HUNK: variants seen among roughly 807,000 people sequenced by gnomAD.
The protein encoded by HUNK is hormonally up-regulated Neu-associated kinase.
A neutral mutation model predicts 61.0 loss-of-function variants in HUNK; 21 were observed. That is an observed-to-expected ratio of 0.34 (90% confidence interval 0.24 to 0.50). HUNK has a LOEUF of 0.50. Ranked by LOEUF, HUNK falls within the 20% of genes least tolerant of loss-of-function variation. The pLI is 0.98. For missense variants in HUNK, 772 were observed against 945.7 expected, an observed-to-expected ratio of 0.82 and a Z score of 2.41; for synonymous variants, 371 against 386.1, an observed-to-expected ratio of 0.96 and a Z score of 0.46.
chr21:32,002,153 CACAG>C lies in HUNK; in HGVS notation c.*2970_*2973del. 6.5e-6 allele frequency: 1 copy of C among 152,738 alleles called. No individual in the cohort carries two copies. The highest frequency in any genetic ancestry group is 1.5e-5 in the Non-Finnish European group (1 of 68,162). The allele number at this position is 152,738 out of a possible 1,614,324, so 9.5% of individuals were successfully genotyped here. A position where few individuals can be genotyped will look rare whatever the true frequency, so the allele number is the denominator to read the frequency against. The stretch of plus-strand genomic sequence containing the variant: ...CCAGGCTGGAGTGCAGTGGCACAAT[CACAG>C]TTCACTGCAGCCTCAACCTCTCCAG... On this transcript the variant is annotated 3_prime_UTR_variant, in exon 11 of 11. Coordinates refer to ENST00000270112, the MANE Select transcript of HUNK (RefSeq NM_014586.2).
intron 1 of HUNK, among the ~76,000 whole-genome samples, chr21:31,910,929 A>G (rs954434944): frequency 2.0e-5 from 3 of 152,204 alleles, no homozygotes; most frequent in African/African-American, 7.2e-5. Flanking sequence ...CGTGGATTCA[A>G]CTTAGCACTT....
intron 9 of HUNK, among the ~76,000 whole-genome samples, chr21:31,992,283 G>T (rs1371156902): frequency 6.6e-6 from 1 of 152,208 alleles, no homozygotes; most frequent in African/African-American, 2.4e-5. Flanking sequence ...GCTAAGGATG[G>T]GTTTCCCCCT....
At chr21:31,906,761 G>A (rs972293661) in intron 1 of HUNK, among the ~76,000 whole-genome samples, 50 of 152,106 alleles carry the variant, frequency 3.3e-4, no homozygotes, top group African/African-American at 1.2e-3. Context: ...TAGGTCTCAG[G>A]CAGGCAGTCA....
At position 31,873,657 on chromosome 21, in the gene HUNK, C is replaced by G. The variant is rs2052232164; in HGVS notation, c.-18C>G. The stretch of plus-strand genomic sequence containing the variant: ...GCGCGGGAGACGAGCAGGAGCCGCG[C>G]GGGCCGCGGCGAGCGCGATGCCGGC... On this transcript the variant is annotated 5_prime_UTR_variant, in exon 1 of 11. Coordinates refer to ENST00000270112, the MANE Select transcript of HUNK (RefSeq NM_014586.2). The surrounding 1 kb of genome is among the most constrained non-coding windows in gnomAD (Gnocchi z 6.1). 7 of 840,200 alleles carry G rather than the reference C, an allele frequency of 8.3e-6. No individual in the cohort carries two copies. Among genetic ancestry groups the G allele is most frequent in the Non-Finnish European group, 9.1e-6 (7 of 766,208 alleles). The allele number at this position is 840,200 out of a possible 1,614,324, so 52.0% of individuals were successfully genotyped here.
intron 3 of HUNK, among the ~76,000 whole-genome samples, chr21:31,945,445 G>C (rs903537198): frequency 2.0e-5 from 3 of 152,150 alleles, no homozygotes; most frequent in African/African-American, 7.2e-5. Flanking sequence ...ATTCAGGGTT[G>C]TTTAAACTGT....
At chr21:31,919,809 G>A (rs1042808478) in intron 1 of HUNK, among the ~76,000 whole-genome samples, 3 of 152,176 alleles carry the variant, frequency 2.0e-5, no homozygotes, top group African/African-American at 7.2e-5. Flanking sequence ...AGAGTGAGGA[G>A]GAGAGAGAGG....
chr21:31,873,691 G>A lies in HUNK; in HGVS notation c.17G>A (p.Gly6Glu), dbSNP rs1328529938. 9.3e-6 allele frequency: 10 copies of A among 1,080,876 alleles called. No homozygotes were observed. The highest frequency in any genetic ancestry group is 1.1e-5 in the Non-Finnish European group (10 of 892,014). The allele number at this position is 1,080,876 out of a possible 1,614,324, so 67.0% of individuals were successfully genotyped here. Residue 6 changes from glycine (G) to glutamate (E), a missense_variant, in exon 1 of 11, where the codon GGG becomes GAG. This residue lies in a region of HUNK where 359 missense variants were observed against 501.3 expected (regional missense o/e 0.72). Coordinates refer to ENST00000270112, the MANE Select transcript of HUNK (RefSeq NM_014586.2). The surrounding 1 kb of genome is among the most constrained non-coding windows in gnomAD (Gnocchi z 6.1). ...GCGAGCGCGATGCCGGCGGCGGCGG[G>A]GGACGGGCTCCTGGGGGAGCCGGCG... MPAAA[G>E]DGLLGEPAAP... is the part of the protein sequence containing the mutation.
chr21:31,986,801 GC>G (rs1832562256), intron 8 of HUNK, among the ~76,000 whole-genome samples: 2 of 152,264 alleles, frequency 1.3e-5, no homozygotes, highest in African/African-American at 4.8e-5. Flanking sequence ...AGATCCCAGA[GC>G]AAGATCACCT....
intron 1 of HUNK, among the ~76,000 whole-genome samples, chr21:31,888,632 C>T (rs1230825891): frequency 1.3e-5 from 2 of 152,034 alleles, no homozygotes; most frequent in Admixed American, 6.6e-5. Flanking sequence ...CCCAGCCACT[C>T]GGGAGGCTGA....
At chr21:31,890,234 CTT>C (rs535992198) in intron 1 of HUNK, among the ~76,000 whole-genome samples, 4 of 146,324 alleles carry the variant, frequency 2.7e-5, no homozygotes, top group African/African-American at 1.0e-4. Flanking sequence ...TTTTAGATAC[CTT>C]TTTTTTTTTT....
intron 5 of HUNK, among the ~76,000 whole-genome samples, chr21:31,961,454 G>C (rs994900142): frequency 2.0e-5 from 3 of 152,202 alleles, no homozygotes; most frequent in African/African-American, 7.2e-5. Context: ...CACGTATTTA[G>C]TTTTGTAAGA....
chr21:31,996,948 C>T (rs2833597), intron 10 of HUNK, among the ~76,000 whole-genome samples: 94,635 of 152,082 alleles, frequency 0.62, 29,480 homozygotes, highest in South Asian at 0.72. Flanking sequence ...AGCTGGAACA[C>T]TGGAGACCTT....
chr21:31,954,913 T>G (rs375714858), intron 4 of HUNK, among the ~76,000 whole-genome samples: 1 of 152,006 alleles, frequency 6.6e-6, no homozygotes, highest in Non-Finnish European at 1.5e-5. Flanking sequence ...CCCCAAGTAG[T>G]TGGGACTTAC....
intron 4 of HUNK, among the ~76,000 whole-genome samples, chr21:31,958,029 A>G (rs1303508724): frequency 2.0e-5 from 3 of 152,132 alleles, no homozygotes; most frequent in African/African-American, 4.8e-5. Context: ...TTTTCCAGGT[A>G]CCACCTTGTA....
At chr21:31,922,534 C>T (rs964701779) in intron 1 of HUNK, among the ~76,000 whole-genome samples, 6 of 151,986 alleles carry the variant, frequency 3.9e-5, no homozygotes, top group African/African-American at 1.2e-4. Context: ...ACCATGTTGG[C>T]CGGGCTGGTC....
intron 1 of HUNK, among the ~76,000 whole-genome samples, chr21:31,911,986 T>C (rs1234799948): frequency 6.6e-6 from 1 of 152,234 alleles, no homozygotes; most frequent in Non-Finnish European, 1.5e-5. Flanking sequence ...CTGTTGGGAC[T>C]TTCCCAGAGC....
intron 1 of HUNK, among the ~76,000 whole-genome samples, chr21:31,902,475 A>G (rs955574674): frequency 1.3e-5 from 2 of 151,810 alleles, no homozygotes; most frequent in African/African-American, 2.4e-5. Flanking sequence ...GTGCCATTGC[A>G]CTCCAGCCTG....
At chr21:31,950,818 C>T (rs888429163) in intron 4 of HUNK, among the ~76,000 whole-genome samples, 2 of 152,176 alleles carry the variant, frequency 1.3e-5, no homozygotes, top group Non-Finnish European at 2.9e-5. Flanking sequence ...AAAATGGCTT[C>T]TCTCTTTATG....
At chr21:31,937,449 T>G (rs1043282847) in intron 2 of HUNK, among the ~76,000 whole-genome samples, 9 of 152,188 alleles carry the variant, frequency 5.9e-5, no homozygotes, top group Non-Finnish European at 1.2e-4. Flanking sequence ...GTGGTTAATT[T>G]ATGGAGATTT....
Sources: gnomAD v4.1 joint callset for allele counts (sites outside exome capture counted in the v4.1 genomes callset) on GRCh38, gnomAD v4.1.1 for gene constraint, gnomAD v4.1.1 regional missense constraint, Gnocchi (gnomAD v3.1) non-coding constraint, MANE v1.5 for transcripts, NCBI Gene and HGNC (gene_info 2026-07-23, HGNC 2026-07-21) for gene names.